KIFAP3: variants seen among roughly 807,000 people sequenced by gnomAD.
The protein encoded by KIFAP3 is kinesin associated protein 3.
In KIFAP3, 68 loss-of-function variants were observed where a neutral mutation model predicts 106.5. That is an observed-to-expected ratio of 0.64 (90% CI 0.53 to 0.78). KIFAP3 has a LOEUF of 0.78. Among genes scored for constraint, KIFAP3 ranks in the 30% least tolerant of loss-of-function variants. KIFAP3 has a pLI of 0.00. For missense variants in KIFAP3, 780 were observed against 941.8 expected (o/e 0.83, Z 2.25); for synonymous variants, 320 against 311.5 (o/e 1.03, Z -0.29).
At chr1:170,049,133 G>C (rs994712966) in intron 2 of KIFAP3, among the ~76,000 whole-genome samples, 3 of 152,208 alleles carry the variant, frequency 2.0e-5, no homozygotes, top group African/African-American at 7.2e-5. Flanking sequence ...GATCGAGCTT[G>C]GTTGGGGGAG....
intron 11 of KIFAP3, among the ~76,000 whole-genome samples, chr1:169,987,627 A>G (rs531164647): frequency 1.3e-5 from 2 of 152,216 alleles, no homozygotes; most frequent in Middle Eastern, 3.4e-3. Flanking sequence ...GCTGTCAGAA[A>G]GGACGTTTAC....
intron 3 of KIFAP3, among the ~76,000 whole-genome samples, chr1:170,043,204 A>G (rs10919284): frequency 0.16 from 24,999 of 152,196 alleles, 2,225 homozygotes; most frequent in Middle Eastern, 0.22. Context: ...GAAATGGATT[A>G]TAAGAGTAAC....
At chr1:170,058,858 T>A (rs1670987605) in intron 1 of KIFAP3, among the ~76,000 whole-genome samples, 1 of 151,998 alleles carries the variant, frequency 6.6e-6, no homozygotes, top group African/African-American at 2.4e-5. Context: ...TATTTAGTAG[T>A]CCATTCCCAT....
chr1:170,079,552 G>T (rs1340550442), upstream of KIFAP3, among the ~76,000 whole-genome samples: 2 of 152,114 alleles, frequency 1.3e-5, no homozygotes, highest in African/African-American at 4.8e-5. Context: ...AATAGAAAGT[G>T]ACTTCTTCAC....
intron 9 of KIFAP3, among the ~76,000 whole-genome samples, chr1:170,020,192 G>A (rs544081599): frequency 3.9e-4 from 59 of 152,190 alleles, no homozygotes; most frequent in African/African-American, 1.3e-3. Context: ...TCATGGATTG[G>A]AAAAATCCAA....
upstream of KIFAP3, among the ~76,000 whole-genome samples, chr1:170,079,218 C>A (rs1278586427): frequency 1.3e-5 from 2 of 152,092 alleles, no homozygotes; most frequent in African/African-American, 4.8e-5. Context: ...GAGCCTAGCA[C>A]CTCCCCCACC....
intron 10 of KIFAP3, among the ~76,000 whole-genome samples, chr1:170,010,246 A>G (rs1411302807): frequency 6.6e-6 from 1 of 152,030 alleles, no homozygotes; most frequent in African/African-American, 2.4e-5. Context: ...CATGGAACCA[A>G]TTAAAATTTT....
At chr1:169,951,247 T>C (rs540906839) in intron 19 of KIFAP3, among the ~76,000 whole-genome samples, 56 of 152,062 alleles carry the variant, frequency 3.7e-4, no homozygotes, top group South Asian at 1.2e-3. Flanking sequence ...TTAAATGTGA[T>C]TGAAGGCCTT....
intron 19 of KIFAP3, among the ~76,000 whole-genome samples, chr1:169,942,909 C>CT (rs556258695): frequency 6.4e-5 from 2 of 31,396 alleles, no homozygotes; most frequent in Non-Finnish European, 1.4e-4. Context: ...GTTTTAAAGA[C>CT]GCCCCCCCCC....
chr1:169,934,240 T>C (rs929090659), intron 19 of KIFAP3, among the ~76,000 whole-genome samples: 4 of 152,270 alleles, frequency 2.6e-5, no homozygotes, highest in Middle Eastern at 6.8e-3. Context: ...CACATAAACA[T>C]ACTAATTGTT....
Position 169,961,840 on chromosome 1 carries a change from T to C in KIFAP3, c.1984-605A>G, listed in dbSNP as rs199998808. On this transcript the variant is annotated intron_variant, in intron 17 of 19. Coordinates refer to ENST00000361580, the MANE Select transcript of KIFAP3 (RefSeq NM_014970.4). Reference sequence around the variant, plus strand: ...GTAAGAATACAGTATATAATACATATACAAAATATGTGTTAATCAACTGTT... The same window carrying C: ...GTAAGAATACAGTATATAATACATACACAAAATATGTGTTAATCAACTGTT... 3.3e-5 allele frequency among the ~76,000 whole-genome samples: 5 copies of C among 152,198 alleles called. No homozygotes were observed. The East Asian group carries it at 5.8e-4, about 18-fold the overall frequency.
intron 19 of KIFAP3, among the ~76,000 whole-genome samples, chr1:169,935,289 C>G (rs1361691046): frequency 6.6e-6 from 1 of 151,696 alleles, no homozygotes; most frequent in East Asian, 1.9e-4. Context: ...ATTTACTTGC[C>G]TAACTATGTT....
chr1:170,034,424 C>T lies in KIFAP3; in HGVS notation c.690G>A (p.Glu230=), dbSNP rs372636494. The change falls in exon 7 of 20, where the codon GAG becomes GAA. Residue 230 remains glutamate (E), a synonymous_variant. Coordinates refer to ENST00000361580, the MANE Select transcript of KIFAP3 (RefSeq NM_014970.4). ...CTTGCCAAAGCTCATGTCTTTTTAACTCATGATCAATAATATTCATACACA... is the reference window on the plus strand; with the variant it reads ...CTTGCCAAAGCTCATGTCTTTTTAATTCATGATCAATAATATTCATACACA... The part of the protein sequence containing the change: ...GALCMNIIDH[E]LKRHELWQEE... The T allele has an allele frequency of 2.2e-5, 36 of 1,602,342 alleles. No individual in the cohort carries two copies. Among genetic ancestry groups the T allele is most frequent in the African/African-American group, 2.7e-5 (2 of 74,396 alleles).
intron 10 of KIFAP3, among the ~76,000 whole-genome samples, chr1:170,002,382 A>G (rs776325294): frequency 6.6e-6 from 1 of 152,232 alleles, no homozygotes; most frequent in Non-Finnish European, 1.5e-5. Context: ...CAATGAAGAC[A>G]ATATGGTCTA....
intron 1 of KIFAP3, among the ~76,000 whole-genome samples, chr1:170,072,143 T>C (rs1671735246): frequency 6.6e-6 from 1 of 152,222 alleles, no homozygotes; most frequent in African/African-American, 2.4e-5. Context: ...TTTAATATCC[T>C]TCAATAGTTC....
chr1:169,954,345 T>C (rs538953390), intron 18 of KIFAP3, among the ~76,000 whole-genome samples: 1 of 152,268 alleles, frequency 6.6e-6, no homozygotes, highest in South Asian at 2.1e-4. Context: ...TATTTGGCAC[T>C]ATGTGAGTAC....
In KIFAP3 at chr1:170,071,812, C is replaced by T. The variant is rs139334175; in HGVS notation, c.32+2624G>A. ...GTTTTAACATGAGCTTTGGTGGAAA[C>T]GAACTATATCCAAACCACAGCAAAT... is the stretch of plus-strand genomic sequence containing the variant. On this transcript the variant is annotated intron_variant, in intron 1 of 19. Transcript: ENST00000361580. Among the ~76,000 whole-genome samples, 790 of 152,222 alleles carry T rather than the reference C, an allele frequency of 5.2e-3. 5 individuals are homozygous for T. The highest frequency in any genetic ancestry group is 0.014 in the Middle Eastern group (4 of 294).
chr1:170,064,574 G>A (rs1671340365), intron 1 of KIFAP3, among the ~76,000 whole-genome samples: 1 of 152,102 alleles, frequency 6.6e-6, no homozygotes, highest in Non-Finnish European at 1.5e-5. Context: ...GGCTAGTCTT[G>A]AACTCCTGGG....
chr1:170,017,562 T>C (rs1390979143), intron 9 of KIFAP3, among the ~76,000 whole-genome samples: 2 of 152,314 alleles, frequency 1.3e-5, no homozygotes, highest in East Asian at 1.9e-4. Context: ...AAAGTACATG[T>C]TGAAGACTGG....
Sources: allele counts gnomAD v4.1 joint callset (sites outside exome capture counted in the v4.1 genomes callset), GRCh38; gene constraint gnomAD v4.1.1; transcripts MANE v1.5; gene names NCBI Gene and HGNC (gene_info 2026-07-23, HGNC 2026-07-21).